The following CSMD1 variants were observed in gnomAD, a reference collection of about 807,000 sequenced individuals.
CSMD1 encodes the protein CUB and Sushi multiple domains 1.
Under a neutral mutation model 417.5 loss-of-function variants are expected in CSMD1, and 213 were observed. That is an observed-to-expected ratio of 0.51 (90% CI 0.46 to 0.57). CSMD1 has a LOEUF of 0.57. Ranked by LOEUF, CSMD1 falls within the 20% of genes least tolerant of loss-of-function variation. The pLI is 0.00. For missense variants in CSMD1, 6,923 were observed against 4,529.7 expected, an observed-to-expected ratio of 1.53 and a Z score of -15.17; for synonymous variants, 2,862 against 1,736.8, an observed-to-expected ratio of 1.65 and a Z score of -16.11.
chr8:4,550,542 G>C (rs1453526046), intron 2 of CSMD1, among the ~76,000 whole-genome samples: 1 of 151,994 alleles, frequency 6.6e-6, no homozygotes, highest in Non-Finnish European at 1.5e-5. Context: ...TATTTTTGCA[G>C]GATAAAGTTT....
At chr8:3,375,650 G>A (rs967274631) in intron 18 of CSMD1, among the ~76,000 whole-genome samples, 3 of 152,128 alleles carry the variant, frequency 2.0e-5, no homozygotes, top group Non-Finnish European at 4.4e-5. Flanking sequence ...CCAGTAGGAA[G>A]GAGGGGAGTA....
At chr8:3,965,277 G>T (rs1178418078) in intron 5 of CSMD1, among the ~76,000 whole-genome samples, 2 of 152,158 alleles carry the variant, frequency 1.3e-5, no homozygotes, top group African/African-American at 4.8e-5. Context: ...CTTAAACAGG[G>T]AACTCAGGTC....
At chr8:4,008,592 C>CTTT (rs1201409236) in intron 4 of CSMD1, among the ~76,000 whole-genome samples, 3 of 86,590 alleles carry the variant, frequency 3.5e-5, no homozygotes, top group African/African-American at 1.3e-4. Flanking sequence ...TATTTTCTTT[C>CTTT]TTTTTTTCTT....
chr8:3,863,397 A>G, intron 5 of CSMD1, among the ~76,000 whole-genome samples: 1 of 121,760 alleles, frequency 8.2e-6, no homozygotes, highest in East Asian at 2.1e-4. Flanking sequence ...ACTCTGCTCA[A>G]AAAAAAAAAA....
intron 3 of CSMD1, among the ~76,000 whole-genome samples, chr8:4,316,922 G>A (rs1038455610): frequency 1.3e-5 from 2 of 150,688 alleles, no homozygotes; most frequent in African/African-American, 4.9e-5. Flanking sequence ...GAAAAGCCAG[G>A]TACTGAATGA....
At position 4,694,979 on chromosome 8, in the gene CSMD1, A is replaced by G. The variant is rs76716209; in HGVS notation, c.86-57421T>C. ...GGTTCTTGTACCTTTCACAGCTTAC[A>G]TTAAAATACGAAGGTATTAAAATAC... is the stretch of plus-strand genomic sequence containing the variant. On this transcript the variant is annotated intron_variant, in intron 1 of 69. Coordinates refer to ENST00000635120, the MANE Select transcript of CSMD1 (RefSeq NM_033225.6). Among the ~76,000 whole-genome samples, 1,499 of 152,178 alleles carry G rather than the reference A, an allele frequency of 9.9e-3. 26 individuals carry two copies. Among genetic ancestry groups the G allele is most frequent in the East Asian group, 0.078 (404 of 5,148 alleles).
chr8:3,564,933 C>T (rs1194567928), intron 10 of CSMD1, among the ~76,000 whole-genome samples: 3 of 151,192 alleles, frequency 2.0e-5, no homozygotes, highest in African/African-American at 7.3e-5. Flanking sequence ...TTGACAAGGA[C>T]ACAATCATGG....
intron 10 of CSMD1, among the ~76,000 whole-genome samples, chr8:3,496,933 T>C (rs981640537): frequency 6.6e-6 from 1 of 152,254 alleles, no homozygotes; most frequent in African/African-American, 2.4e-5. Context: ...TTAATTTCCA[T>C]GTATTCGTAC....
intron 20 of CSMD1, among the ~76,000 whole-genome samples, chr8:3,363,998 C>G (rs933135354): frequency 6.6e-6 from 1 of 152,168 alleles, no homozygotes; most frequent in Non-Finnish European, 1.5e-5. Flanking sequence ...TCAGGAAACA[C>G]TGCTTTAATA....
At position 4,450,278 on chromosome 8, in the gene CSMD1, G is replaced by T. The variant is rs113144692; in HGVS notation, c.303-30213C>A. Among the ~76,000 whole-genome samples the T allele has an allele frequency of 7.0e-3, 1,064 of 152,270 alleles. 14 individuals are homozygous for T. The highest frequency in any genetic ancestry group is 0.024 in the African/African-American group (980 of 41,544). On this transcript the variant is annotated intron_variant, in intron 2 of 69. Transcript: ENST00000635120. ...CTGATCTTCAGGAGCACACAACATGGGAGAAAGCTGTGCACTGTTTGCTGC... is the reference window on the plus strand; with the variant it reads ...CTGATCTTCAGGAGCACACAACATGTGAGAAAGCTGTGCACTGTTTGCTGC...
At chr8:2,986,661 C>T (rs1454977364) in intron 54 of CSMD1, among the ~76,000 whole-genome samples, 2 of 152,002 alleles carry the variant, frequency 1.3e-5, no homozygotes, top group East Asian at 1.9e-4. Flanking sequence ...CCCACCACCA[C>T]GCCCAGCTAA....
chr8:4,172,399 G>A (rs550037973), intron 3 of CSMD1, among the ~76,000 whole-genome samples: 1 of 152,024 alleles, frequency 6.6e-6, no homozygotes, highest in Non-Finnish European at 1.5e-5. Context: ...TAAATAGCCA[G>A]TGGGTCTCAT....
At chr8:4,279,364 TCAA>T (rs1247938616) in intron 3 of CSMD1, among the ~76,000 whole-genome samples, 1 of 152,174 alleles carries the variant, frequency 6.6e-6, no homozygotes, top group Non-Finnish European at 1.5e-5. Context: ...AACGGACATC[TCAA>T]CAGAATGTCA....
intron 12 of CSMD1, among the ~76,000 whole-genome samples, chr8:3,435,448 C>T (rs1194297669): frequency 2.0e-5 from 3 of 152,032 alleles, no homozygotes; most frequent in Admixed American, 1.3e-4. Context: ...GAACACATCC[C>T]ACTCTTAGAC....
intron 3 of CSMD1, among the ~76,000 whole-genome samples, chr8:4,179,096 A>C (rs1714690): frequency 0.98 from 149,560 of 152,182 alleles, 73,543 homozygotes; most frequent in Middle Eastern, 1. Context: ...TCATATGGAA[A>C]CAAAAAAGAG....
chr8:4,453,558 C>G (rs1422711203), intron 2 of CSMD1, among the ~76,000 whole-genome samples: 113 of 152,142 alleles, frequency 7.4e-4, no homozygotes, highest in Non-Finnish European at 1.6e-4. Flanking sequence ...TAACTTGGGC[C>G]ACATGACTGG....
At chr8:3,750,203 T>C (rs147952875) in intron 6 of CSMD1, among the ~76,000 whole-genome samples, 13 of 152,258 alleles carry the variant, frequency 8.5e-5, no homozygotes, top group Admixed American at 2.6e-4. Flanking sequence ...GGAATTTTTG[T>C]TCTCTTACAA....
chr8:4,659,722 G>T (rs2130916953), intron 1 of CSMD1, among the ~76,000 whole-genome samples: 1 of 152,238 alleles, frequency 6.6e-6, no homozygotes, highest in Non-Finnish European at 1.5e-5. Context: ...GATGGAGGTG[G>T]TAGTTATACA....
chr8:4,093,241 CT>C (rs1800814676), intron 3 of CSMD1, among the ~76,000 whole-genome samples: 2 of 139,518 alleles, frequency 1.4e-5, no homozygotes, highest in South Asian at 4.5e-4. Context: ...TTACATAATA[CT>C]TTGCTAATTA....
Sources: gnomAD v4.1 joint callset for allele counts (sites outside exome capture counted in the v4.1 genomes callset) on GRCh38, gnomAD v4.1.1 for gene constraint, MANE v1.5 for transcripts, NCBI Gene and HGNC (gene_info 2026-07-23, HGNC 2026-07-21) for gene names.